The following ARHGAP26 variants were observed in gnomAD, a reference collection of about 807,000 sequenced individuals.
ARHGAP26 encodes the protein Rho GTPase activating protein 26, also known as rho GTPase-activating protein 26.
In ARHGAP26, 38 loss-of-function variants were observed where a neutral mutation model predicts 104.8. The observed-to-expected ratio is 0.36, with a 90% confidence interval of 0.28 to 0.48. The LOEUF (loss-of-function observed/expected upper bound fraction) is 0.48. Ranked by LOEUF, ARHGAP26 falls within the 20% of genes least tolerant of loss-of-function variation. The probability of loss-of-function intolerance (pLI) is 0.99; values close to 1 mark genes in which losing one functional copy is unlikely to be tolerated. For missense variants in ARHGAP26, 704 were observed against 947.9 expected (o/e 0.74, Z 3.38); for synonymous variants, 341 against 340.0 (o/e 1.00, Z -0.03).
At chr5:142,790,380 C>T (rs745988903) in intron 1 of ARHGAP26, among the ~76,000 whole-genome samples, 3 of 152,226 alleles carry the variant, frequency 2.0e-5, no homozygotes, top group Middle Eastern at 3.4e-3. Context: ...TTTTTCCCAT[C>T]GTATTTCTCC....
intron 20 of ARHGAP26, chr5:143,203,685 G>C (rs1251340630): frequency 6.6e-6 from 1 of 152,176 alleles, no homozygotes; most frequent in East Asian, 1.9e-4. Context: ...ATGCCCATCA[G>C]TGATAGACTG....
At chr5:143,142,217 C>T (rs528726535) in intron 19 of ARHGAP26, among the ~76,000 whole-genome samples, 91 of 145,330 alleles carry the variant, frequency 6.3e-4, no homozygotes, top group African/African-American at 2.3e-3. Flanking sequence ...TGGCTCACTG[C>T]AACCTTCGCC....
At position 143,190,439 on chromosome 5, in the gene ARHGAP26, C is replaced by T. The variant is rs1027742673; in HGVS notation, c.1989-16759C>T. ...AGGAACATAAGAGGGAGGCTCTGTG[C>T]GCCATGGTGGCTAGATATACATTGA... On this transcript the variant is annotated intron_variant, in intron 20 of 22. Transcript: ENST00000645722. Among the ~76,000 whole-genome samples the T allele has an allele frequency of 8.5e-5, 13 of 152,154 alleles. 1 individual carries two copies. In the South Asian group the frequency reaches 2.5e-3, roughly 29 times the overall value.
At chr5:143,091,473 G>A (rs1791427244) in intron 17 of ARHGAP26, among the ~76,000 whole-genome samples, 1 of 152,160 alleles carries the variant, frequency 6.6e-6, no homozygotes, top group Admixed American at 6.5e-5. Context: ...ATAGTCCTTG[G>A]TACCTTTTTA....
At chr5:142,874,702 C>G (rs1755829820) in intron 2 of ARHGAP26, among the ~76,000 whole-genome samples, 1 of 152,106 alleles carries the variant, frequency 6.6e-6, no homozygotes, top group Non-Finnish European at 1.5e-5. Context: ...TTATTTAGCT[C>G]TGGTGCCAAA....
At chr5:143,200,773 C>T (rs1807587137) in intron 20 of ARHGAP26, among the ~76,000 whole-genome samples, 1 of 152,212 alleles carries the variant, frequency 6.6e-6, no homozygotes, top group Admixed American at 6.5e-5. Context: ...TCGTGGTCAG[C>T]TTACTCCTCC....
At chr5:143,202,089 T>A (rs1293254846) in intron 20 of ARHGAP26, 3 of 152,238 alleles carry the variant, frequency 2.0e-5, no homozygotes, top group Admixed American at 6.5e-5. Flanking sequence ...TTTATGAATC[T>A]GGGTGCTCCT....
chr5:143,002,584 C>T (rs1434293789), intron 11 of ARHGAP26, among the ~76,000 whole-genome samples: 1 of 152,198 alleles, frequency 6.6e-6, no homozygotes, highest in African/African-American at 2.4e-5. Context: ...ACTCCTCACA[C>T]TGTGACCTGG....
At chr5:142,977,446 T>C (rs899778405) in intron 11 of ARHGAP26, among the ~76,000 whole-genome samples, 2 of 152,108 alleles carry the variant, frequency 1.3e-5, no homozygotes, top group Non-Finnish European at 2.9e-5. Context: ...GGAAGAATCC[T>C]GTTTTGAAAT....
At chr5:142,994,706 A>G (rs1037597470) in intron 11 of ARHGAP26, among the ~76,000 whole-genome samples, 5 of 152,196 alleles carry the variant, frequency 3.3e-5, no homozygotes, top group African/African-American at 1.2e-4. Flanking sequence ...CCACTGAGAT[A>G]AAAGTGATGC....
At chr5:143,134,782 C>A (rs1332933299) in intron 19 of ARHGAP26, among the ~76,000 whole-genome samples, 1 of 152,208 alleles carries the variant, frequency 6.6e-6, no homozygotes, top group Non-Finnish European at 1.5e-5. Flanking sequence ...TCTAAGAGAG[C>A]CTCCATTTGC....
At chr5:143,065,315 C>T (rs1787323273) in intron 17 of ARHGAP26, among the ~76,000 whole-genome samples, 1 of 152,118 alleles carries the variant, frequency 6.6e-6, no homozygotes, top group East Asian at 1.9e-4. Context: ...CACTGGAGTC[C>T]TCTCTTGCTG....
At chr5:142,971,409 C>T (rs920912221) in intron 11 of ARHGAP26, among the ~76,000 whole-genome samples, 3 of 152,136 alleles carry the variant, frequency 2.0e-5, no homozygotes, top group African/African-American at 4.8e-5. Context: ...GACTGCTACC[C>T]GGTTTCTGGT....
At chr5:143,031,669 A>G (rs114032607) in intron 12 of ARHGAP26, among the ~76,000 whole-genome samples, 2,381 of 151,124 alleles carry the variant, frequency 0.016, 69 homozygotes, top group African/African-American at 0.054. Context: ...TTATGGTTGT[A>G]TAGCAGTGGC....
intron 11 of ARHGAP26, among the ~76,000 whole-genome samples, chr5:142,957,975 C>G (rs1769537211): frequency 6.6e-6 from 1 of 152,200 alleles, no homozygotes; most frequent in Non-Finnish European, 1.5e-5. Flanking sequence ...ATTTTTGTTT[C>G]ATAATGTTTC....
intron 17 of ARHGAP26, chr5:143,058,099 A>T: frequency 4.2e-6 from 2 of 475,186 alleles, no homozygotes; most frequent in Non-Finnish European, 8.3e-6. Context: ...CATCAAGAAC[A>T]AACAAAAATA....
chr5:143,171,451 G>A (rs1802757478), intron 20 of ARHGAP26, among the ~76,000 whole-genome samples: 1 of 152,140 alleles, frequency 6.6e-6, no homozygotes, highest in Non-Finnish European at 1.5e-5. Context: ...CATACTCCAA[G>A]GAATATGGCC....
chr5:142,909,077 T>C (rs868158093), intron 9 of ARHGAP26, among the ~76,000 whole-genome samples: 2 of 152,352 alleles, frequency 1.3e-5, no homozygotes, highest in South Asian at 4.1e-4. Flanking sequence ...TGAGATTTGG[T>C]CTCTTCCAAT....
intron 20 of ARHGAP26, among the ~76,000 whole-genome samples, chr5:143,180,117 TTCTC>T (rs1237180671): frequency 6.6e-6 from 1 of 152,118 alleles, no homozygotes; most frequent in Non-Finnish European, 1.5e-5. Flanking sequence ...AGGTTTTAAA[TTCTC>T]TCTCTTTTTT....
Sources: gnomAD v4.1 joint callset for allele counts (sites outside exome capture counted in the v4.1 genomes callset) on GRCh38, gnomAD v4.1.1 for gene constraint, MANE v1.5 for transcripts, NCBI Gene and HGNC (gene_info 2026-07-23, HGNC 2026-07-21) for gene names.